The following ACKR2 variants were observed in gnomAD, a reference collection of about 807,000 sequenced individuals.
ACKR2 encodes the protein atypical chemokine receptor 2, also known as C-C chemokine receptor D6.
For missense variants in ACKR2, 457 were observed against 477.3 expected, an observed-to-expected ratio of 0.96 and a Z score of 0.40; for synonymous variants, 207 against 192.2, an observed-to-expected ratio of 1.08 and a Z score of -0.64.
chr3:42,831,785 A>G (rs1435377612), intron 2 of ACKR2, among the ~76,000 whole-genome samples: 1 of 152,210 alleles, frequency 6.6e-6, no homozygotes, highest in African/African-American at 2.4e-5. Flanking sequence ...TAGTCAATAC[A>G]TCTTTATATT....
Position 42,865,405 on chromosome 3 carries a change from C to A in ACKR2, c.903C>A (p.Ala301=), listed in dbSNP as rs1304470241. ...CACTCCAGGTAACAGAGAGCATCGC[C>A]TTCCTTCACTGCTGCTTTTCCCCCA... ...DYALQVTESI[A]FLHCCFSPIL... is the part of the protein sequence containing the mutation. The change falls in exon 3 of 3, where the codon GCC becomes GCA. Residue 301 remains alanine, a synonymous_variant. Coordinates refer to ENST00000422265, the MANE Select transcript of ACKR2 (RefSeq NM_001296.5). The A allele has an allele frequency of 1.2e-6, 2 of 1,614,204 alleles. No individual in the cohort carries two copies. The highest frequency in any genetic ancestry group is 1.7e-5 in the Admixed American group (1 of 60,028).
chr3:42,810,839 G>A (rs1700687789), intron 1 of ACKR2, among the ~76,000 whole-genome samples: 1 of 152,178 alleles, frequency 6.6e-6, no homozygotes, highest in South Asian at 2.1e-4. Context: ...AATTGTAAGG[G>A]TGATTCCTAA....
At chr3:42,831,387 C>T (rs1700930176) in intron 2 of ACKR2, among the ~76,000 whole-genome samples, 1 of 152,202 alleles carries the variant, frequency 6.6e-6, no homozygotes, top group Non-Finnish European at 1.5e-5. Context: ...TGCTTTGTGA[C>T]GTTAAAACAT....
intron 2 of ACKR2, among the ~76,000 whole-genome samples, chr3:42,834,091 T>C (rs1700960596): frequency 6.6e-6 from 1 of 152,198 alleles, no homozygotes; most frequent in Non-Finnish European, 1.5e-5. Flanking sequence ...CCCGAGTAGC[T>C]GGGATTACAG....
chr3:42,859,430 G>A (rs2088357568), intron 2 of ACKR2, among the ~76,000 whole-genome samples: 1 of 151,432 alleles, frequency 6.6e-6, no homozygotes, highest in African/African-American at 2.4e-5. Context: ...CCAGGCTGGA[G>A]TGCAGTGGCG....
At chr3:42,851,969 T>C (rs767438774) in intron 2 of ACKR2, among the ~76,000 whole-genome samples, 1 of 152,198 alleles carries the variant, frequency 6.6e-6, no homozygotes, top group Non-Finnish European at 1.5e-5. Flanking sequence ...CTGGATCTCC[T>C]CCCATGCATC....
intron 2 of ACKR2, among the ~76,000 whole-genome samples, chr3:42,847,335 G>A (rs1280535993): frequency 6.6e-6 from 1 of 152,162 alleles, no homozygotes; most frequent in Non-Finnish European, 1.5e-5. Context: ...GCTGGGGACA[G>A]CACAGAAAGA....
intron 2 of ACKR2, among the ~76,000 whole-genome samples, chr3:42,845,866 G>GAAAAAAGA (rs1269378594): frequency 7.0e-6 from 1 of 142,912 alleles, no homozygotes; most frequent in Non-Finnish European, 1.5e-5. Flanking sequence ...AAAAAAAAAA[G>GAAAAAAGA]AAAAAAGAAA....
chr3:42,833,358 T>G (rs1700951705), intron 2 of ACKR2, among the ~76,000 whole-genome samples: 1 of 152,190 alleles, frequency 6.6e-6, no homozygotes, highest in Non-Finnish European at 1.5e-5. Flanking sequence ...TTATTTTTAT[T>G]TTTTATTTTT....
chr3:42,817,385 G>A (rs182018718), intron 1 of ACKR2, among the ~76,000 whole-genome samples: 2 of 151,994 alleles, frequency 1.3e-5, no homozygotes, highest in African/African-American at 4.8e-5. Context: ...TTTTCACAGA[G>A]AGCATTGAAA....
At chr3:42,860,163 G>GAAAAAAAAAAAA (rs2088367013) in intron 2 of ACKR2, among the ~76,000 whole-genome samples, 2 of 4,926 alleles carry the variant, frequency 4.1e-4, no homozygotes, top group Non-Finnish European at 9.0e-4. Flanking sequence ...CAAATGGAAA[G>GAAAAAAAAAAAA]CAAAAAAAAA....
At chr3:42,810,323 T>C (rs1361784868) in intron 1 of ACKR2, among the ~76,000 whole-genome samples, 1 of 152,200 alleles carries the variant, frequency 6.6e-6, no homozygotes, top group Non-Finnish European at 1.5e-5. Flanking sequence ...TTAAAAAGAC[T>C]GGGTGTATTG....
chr3:42,819,528 G>A (rs1278846867), intron 1 of ACKR2, 103 bp from the exon 2 acceptor site: 2 of 151,900 alleles, frequency 1.3e-5, no homozygotes, highest in Non-Finnish European at 2.9e-5. Context: ...ACTGTTTCCT[G>A]GCACACGGTA....
At chr3:42,833,230 T>A (rs1322045350) in intron 2 of ACKR2, among the ~76,000 whole-genome samples, 1 of 152,180 alleles carries the variant, frequency 6.6e-6, no homozygotes, top group Admixed American at 6.5e-5. Flanking sequence ...TTTCTAATAG[T>A]CAACATTAAA....
chr3:42,820,067 G>C (rs936921589), intron 2 of ACKR2, among the ~76,000 whole-genome samples: 1 of 152,202 alleles, frequency 6.6e-6, no homozygotes, highest in African/African-American at 2.4e-5. Flanking sequence ...CTGATTATGA[G>C]ACACCATCTG....
chr3:42,857,172 G>C (rs989157143), intron 2 of ACKR2, among the ~76,000 whole-genome samples: 1 of 152,070 alleles, frequency 6.6e-6, no homozygotes, highest in Non-Finnish European at 1.5e-5. Context: ...CTCCTTCAAA[G>C]TATATATGTT....
At chr3:42,843,829 A>G (rs975196581) in intron 2 of ACKR2, 1 of 152,280 alleles carries the variant, frequency 6.6e-6, no homozygotes, top group Non-Finnish European at 1.5e-5. Context: ...CCAGATTCCA[A>G]GCCCACACCC....
intron 2 of ACKR2, among the ~76,000 whole-genome samples, chr3:42,854,255 A>G (rs1701195092): frequency 1.3e-5 from 2 of 152,206 alleles, no homozygotes; most frequent in South Asian, 4.1e-4. Flanking sequence ...GCCTTGATTT[A>G]TAGCATTTGC....
chr3:42,824,162 C>G (rs1033430955), intron 2 of ACKR2, among the ~76,000 whole-genome samples: 1 of 152,142 alleles, frequency 6.6e-6, no homozygotes, highest in Non-Finnish European at 1.5e-5. Context: ...ATCCAAAACA[C>G]TTCTGGTGCC....
Sources: gnomAD v4.1 joint callset for allele counts (sites outside exome capture counted in the v4.1 genomes callset) on GRCh38, gnomAD v4.1.1 for gene constraint, MANE v1.5 for transcripts, NCBI Gene and HGNC (gene_info 2026-07-23, HGNC 2026-07-21) for gene names.